The following GCSAM variants were observed in gnomAD, a reference collection of about 807,000 sequenced individuals.
GCSAM encodes the protein germinal center associated signaling and motility.
A neutral mutation model predicts 17.6 loss-of-function variants in GCSAM; 8 were observed. The observed-to-expected ratio is 0.46, with a 90% CI of 0.27 to 0.82. The LOEUF (loss-of-function observed/expected upper bound fraction) is 0.82, where lower values mean the gene tolerates loss of function less well. Ranked by LOEUF, GCSAM falls within the 40% of genes least tolerant of loss-of-function variation. The pLI is 0.15. For synonymous variants in GCSAM, 68 were observed against 69.0 expected (o/e 0.98, Z 0.07); for missense variants, 192 against 213.5 (o/e 0.90, Z 0.63).
chr3:112,132,999 G>T, intron 1 of GCSAM, 93 bp downstream of exon 1: 1 of 1,280,568 alleles, frequency 7.8e-7, no homozygotes, highest in Non-Finnish European at 1.1e-6. Flanking sequence ...CCCCAACTTA[G>T]TGTGCTAACT....
chr3:112,127,107 C>G, intron 3 of GCSAM, 74 bp from the exon 4 acceptor site: 1 of 955,336 alleles, frequency 1.0e-6, no homozygotes, highest in Admixed American at 2.2e-5. Context: ...GCCTACAAAA[C>G]TTACTTTTAA....
In GCSAM at chr3:112,121,081, T is replaced by A. The variant is rs2074188153; in HGVS notation, c.*2374A>T. 1 of 152,210 alleles carries A rather than the reference T, an allele frequency of 6.6e-6. No individual in the cohort carries two copies. Among genetic ancestry groups the A allele is most frequent in the African/African-American group, 2.4e-5 (1 of 41,458 alleles). The allele number at this position is 152,210 out of a possible 1,614,324, so 9.4% of individuals were successfully genotyped here. A position where few individuals can be genotyped will look rare whatever the true frequency, so the allele number is the denominator to read the frequency against. On this transcript the variant is annotated 3_prime_UTR_variant, in exon 6 of 6. Transcript: ENST00000308910. ...TCCCTCTTATAAATCCCTGTTATAA[T>A]TACATTATAAGAACAACTTTCTTTG...
intron 1 of GCSAM, chr3:112,130,774 C>T (rs2074434536): frequency 8.0e-6 from 4 of 498,810 alleles, no homozygotes; most frequent in Non-Finnish European, 1.5e-5. Flanking sequence ...TCATCTGATC[C>T]CAAATATCCA....
chr3:112,128,153 CT>C (rs1011227331), intron 2 of GCSAM, 92 bp from the exon 3 acceptor site: 9 of 1,113,922 alleles, frequency 8.1e-6, no homozygotes, highest in African/African-American at 4.6e-5. Flanking sequence ...CTGTGGAAAA[CT>C]TTTTTTCTCC....
chr3:112,127,984 G>C, intron 3 of GCSAM, 33 bp downstream of exon 3: 1 of 1,596,112 alleles, frequency 6.3e-7, no homozygotes. Flanking sequence ...CCACACTTAG[G>C]GAAATAACTC....
At chr3:112,124,043 C>T (rs1346873770) in intron 5 of GCSAM, among the ~76,000 whole-genome samples, 1 of 152,146 alleles carries the variant, frequency 6.6e-6, no homozygotes, top group Non-Finnish European at 1.5e-5. Context: ...GATATTCGTC[C>T]CCTGCAAATC....
rs959784160 is a variant in GCSAM at position 112,121,553 on chromosome 3, G to A, written c.*1902C>T. 2.0e-5 allele frequency: 3 copies of A among 151,634 alleles called. No individual in the cohort carries two copies. The highest frequency in any genetic ancestry group is 2.1e-4 in the South Asian group (1 of 4,758). The allele number at this position is 151,634 out of a possible 1,614,324, so 9.4% of individuals were successfully genotyped here. A position where few individuals can be genotyped will look rare whatever the true frequency, so the allele number is the denominator to read the frequency against. On this transcript the variant is annotated 3_prime_UTR_variant, in exon 6 of 6. Transcript: ENST00000308910. ...GGATTTGAGTGACTGATGATCTGTC[G>A]CTGGGTCTACACTCTTTCCTCTAAG... is the stretch of plus-strand genomic sequence containing the variant.
At position 112,125,036 on chromosome 3, in the gene GCSAM, T is replaced by C. The variant is rs923745; in HGVS notation, c.219+190A>G. Reference sequence around the variant, plus strand: ...AATTTAAGTTCCTTTCAATAAATTATACAGCAGAAGTGGCTGCTGCTTCTG... The same window carrying C: ...AATTTAAGTTCCTTTCAATAAATTACACAGCAGAAGTGGCTGCTGCTTCTG... On this transcript the variant is annotated intron_variant, in intron 5 of 5. Transcript: ENST00000308910. 0.53 allele frequency among the ~76,000 whole-genome samples: 80,494 copies of C among 152,042 alleles called. 23,129 individuals are homozygous for C. Among genetic ancestry groups the C allele is most frequent in the East Asian group, 0.75 (3,870 of 5,160 alleles).
intron 1 of GCSAM, among the ~76,000 whole-genome samples, chr3:112,132,331 C>T (rs932049008): frequency 2.0e-5 from 3 of 152,124 alleles, no homozygotes; most frequent in Non-Finnish European, 4.4e-5. Flanking sequence ...CCTGTGAAGA[C>T]CCCCTCTGGC....
intron 1 of GCSAM, among the ~76,000 whole-genome samples, chr3:112,131,379 G>T (rs2074447066): frequency 6.6e-6 from 1 of 152,200 alleles, no homozygotes; most frequent in African/African-American, 2.4e-5. Context: ...GAGAGACACG[G>T]TTGGGGGGGT....
In GCSAM at chr3:112,120,918, T is replaced by C. The variant is rs1576154645; in HGVS notation, c.*2537A>G. ...AGTATATTACACTCATATCAGAATT[T>C]TTTAACTCTTTTTTTGTTCTTAATA... is the stretch of plus-strand genomic sequence containing the variant. On this transcript the variant is annotated 3_prime_UTR_variant, in exon 6 of 6. Coordinates refer to ENST00000308910, the MANE Select transcript of GCSAM (RefSeq NM_152785.5). 6.6e-6 allele frequency: 1 copy of C among 152,290 alleles called. No individual in the cohort carries two copies. Among genetic ancestry groups the C allele is most frequent in the East Asian group, 1.9e-4 (1 of 5,188 alleles). 9.4% of individuals were successfully genotyped at this position (152,290 alleles called of 1,614,324 possible).
rs1367148958 is a variant in GCSAM, at chr3:112,121,824, A to C, written c.*1631T>G. 1.3e-5 allele frequency: 2 copies of C among 152,230 alleles called. No individual in the cohort carries two copies. The highest frequency in any genetic ancestry group is 1.3e-4 in the Admixed American group (2 of 15,282). The allele number at this position is 152,230 out of a possible 1,614,324, so 9.4% of individuals were successfully genotyped here. A position where few individuals can be genotyped will look rare whatever the true frequency, so the allele number is the denominator to read the frequency against. ...CATTTCTCCTCTTTTGGGAGTCAGC[A>C]CATTTTACATAGGAAAGTTATTTAG... On this transcript the variant is annotated 3_prime_UTR_variant, in exon 6 of 6. Transcript: ENST00000308910.
At chr3:112,130,653 T>C (rs2074431549) in intron 1 of GCSAM, 140 bp from the exon 2 acceptor site, 4 of 736,664 alleles carry the variant, frequency 5.4e-6, no homozygotes, top group South Asian at 4.5e-5. Context: ...CACATGTTAA[T>C]ACTGTTTCCT....
chr3:112,123,302 G>A lies in GCSAM; in HGVS notation c.*153C>T. The A allele has an allele frequency of 7.1e-7, 1 of 1,406,244 alleles. No individual in the cohort carries two copies. Among genetic ancestry groups the A allele is most frequent in the Non-Finnish European group, 9.4e-7 (1 of 1,064,458 alleles). 87.1% of individuals were successfully genotyped at this position (1,406,244 alleles called of 1,614,324 possible). On this transcript the variant is annotated 3_prime_UTR_variant, in exon 6 of 6. Transcript: ENST00000308910. ...TTAGATTTTGGCTTTTGCGTGCTAAGAGGGCTTGTGGTATACAAACCATGC... is the reference window on the plus strand; with the variant it reads ...TTAGATTTTGGCTTTTGCGTGCTAAAAGGGCTTGTGGTATACAAACCATGC...
In GCSAM at chr3:112,133,200, A is replaced by G; in HGVS notation, c.-80T>C. 1 of 1,510,352 alleles carries G rather than the reference A, an allele frequency of 6.6e-7. No individual in the cohort carries two copies. The highest frequency in any genetic ancestry group is 1.1e-5 in the South Asian group (1 of 88,480). 93.6% of individuals were successfully genotyped at this position (1,510,352 alleles called of 1,614,324 possible). A position where few individuals can be genotyped will look rare whatever the true frequency, so the allele number is the denominator to read the frequency against. On this transcript the variant is annotated 5_prime_UTR_variant, in exon 1 of 6. Transcript: ENST00000308910. ...TTGTGCTCTGACAGGGCAACTCCTGACTTAAAGAAAGGGCTGTGTGGCTCT... is the reference window on the plus strand; with the variant it reads ...TTGTGCTCTGACAGGGCAACTCCTGGCTTAAAGAAAGGGCTGTGTGGCTCT...
chr3:112,132,591 T>G, intron 1 of GCSAM: 2 of 940,764 alleles, frequency 2.1e-6, no homozygotes, highest in South Asian at 9.8e-5. Flanking sequence ...GTCCAGAAAG[T>G]AAATCTGAGT....
At chr3:112,133,056 A>AT in intron 1 of GCSAM, 36 bp downstream of exon 1, 1 of 1,605,882 alleles carries the variant, frequency 6.2e-7, no homozygotes, top group Non-Finnish European at 8.5e-7. Flanking sequence ...GTCCTGTCCC[A>AT]TCTCCTCTGC....
In GCSAM at chr3:112,133,234, G is replaced by T. The variant is rs775541706; in HGVS notation, c.-114C>A. Reference sequence around the variant, plus strand: ...AAGGGCTGTGTGGCTCTGGCCACCCGTGCAGAGACAGCAGAAAGGAGAAGG... The same window carrying T: ...AAGGGCTGTGTGGCTCTGGCCACCCTTGCAGAGACAGCAGAAAGGAGAAGG... On this transcript the variant is annotated 5_prime_UTR_variant, in exon 1 of 6. Transcript: ENST00000308910. 5 of 1,097,630 alleles carry T rather than the reference G, an allele frequency of 4.6e-6. No individual in the cohort carries two copies. The highest frequency in any genetic ancestry group is 2.6e-5 in the South Asian group (2 of 76,564). The allele number at this position is 1,097,630 out of a possible 1,614,324, so 68.0% of individuals were successfully genotyped here. A position where few individuals can be genotyped will look rare whatever the true frequency, so the allele number is the denominator to read the frequency against.
At chr3:112,129,474 C>A (rs1164451046) in intron 2 of GCSAM, 1 of 152,236 alleles carries the variant, frequency 6.6e-6, no homozygotes, top group African/African-American at 2.4e-5. Flanking sequence ...GTTCAGATAG[C>A]CTCCAAGAAG....
Sources: gnomAD v4.1 joint callset for allele counts (sites outside exome capture counted in the v4.1 genomes callset) on GRCh38, gnomAD v4.1.1 for gene constraint, MANE v1.5 for transcripts, NCBI Gene and HGNC (gene_info 2026-07-23, HGNC 2026-07-21) for gene names.